The following CNIH3 variants were observed in gnomAD, a reference collection of about 807,000 sequenced individuals.
The protein encoded by CNIH3 is cornichon family AMPA receptor auxiliary protein 3.
Under a neutral mutation model 24.1 loss-of-function variants are expected in CNIH3, and 14 were observed. The ratio of observed to expected loss-of-function variants is 0.58; its 90% confidence interval spans 0.38 to 0.91. The LOEUF (loss-of-function observed/expected upper bound fraction) is 0.91. Among genes scored for constraint, CNIH3 ranks in the 40% least tolerant of loss-of-function variants. CNIH3 has a pLI of 0.00. For synonymous variants in CNIH3, 68 were observed against 73.8 expected, an observed-to-expected ratio of 0.92 and a Z score of 0.40; for missense variants, 178 against 196.8, an observed-to-expected ratio of 0.90 and a Z score of 0.57.
intron 1 of CNIH3, among the ~76,000 whole-genome samples, chr1:224,479,336 T>C (rs1431598849): frequency 6.6e-6 from 1 of 152,042 alleles, no homozygotes; most frequent in Non-Finnish European, 1.5e-5. Context: ...TATTTTTTAG[T>C]AGAGACGGAG....
At chr1:224,633,286 G>A (rs534699068) in intron 1 of CNIH3, among the ~76,000 whole-genome samples, 1 of 152,228 alleles carries the variant, frequency 6.6e-6, no homozygotes, top group South Asian at 2.1e-4. Context: ...AGCCCGCCAA[G>A]TAGCTGGGAC....
chr1:224,563,217 A>G (rs571400499), intron 3 of CNIH3, among the ~76,000 whole-genome samples: 1 of 151,202 alleles, frequency 6.6e-6, no homozygotes, highest in South Asian at 2.1e-4. Context: ...TAAGCCAAAT[A>G]CACCTCTTCT....
chr1:224,639,976 G>A (rs1684278632), intron 1 of CNIH3, among the ~76,000 whole-genome samples: 1 of 152,194 alleles, frequency 6.6e-6, no homozygotes, highest in Admixed American at 6.5e-5. Context: ...TGTAACTTCT[G>A]TTTTCCTGAC....
chr1:224,587,466 CG>C (rs1282151323), intron 5 of CNIH3: 1 of 152,140 alleles, frequency 6.6e-6, no homozygotes, highest in Admixed American at 6.5e-5. Context: ...GGGAAGGAAG[CG>C]GGTGTCTGGC....
At chr1:224,707,855 T>C (rs1340640849) in intron 3 of CNIH3, among the ~76,000 whole-genome samples, 2 of 152,220 alleles carry the variant, frequency 1.3e-5, no homozygotes, top group East Asian at 3.8e-4. Context: ...ATGAACATCC[T>C]GCCCTCATTG....
At chr1:224,575,121 C>A in intron 4 of CNIH3, 2 of 917,376 alleles carry the variant, frequency 2.2e-6, no homozygotes, top group Non-Finnish European at 3.7e-6. Context: ...GGACCCTTCC[C>A]TCCTGGAAGA....
chr1:224,663,053 G>T (rs902211806), intron 1 of CNIH3, among the ~76,000 whole-genome samples: 1 of 152,158 alleles, frequency 6.6e-6, no homozygotes, highest in South Asian at 2.1e-4. Flanking sequence ...GGCAAAAACC[G>T]CAATTACTTT....
At chr1:224,602,736 A>G (rs1572560776) in intron 3 of CNIH3, among the ~76,000 whole-genome samples, 1 of 152,242 alleles carries the variant, frequency 6.6e-6, no homozygotes, top group African/African-American at 2.4e-5. Flanking sequence ...AGAGTCTTCA[A>G]CAAAAACCAG....
intron 5 of CNIH3, among the ~76,000 whole-genome samples, chr1:224,736,607 A>G (rs918498568): frequency 6.6e-6 from 1 of 152,102 alleles, no homozygotes; most frequent in Non-Finnish European, 1.5e-5. Flanking sequence ...CTTGGTGCAC[A>G]CCTTGGTGGC....
chr1:224,443,033 A>T (rs1674987891), intron 1 of CNIH3, among the ~76,000 whole-genome samples: 1 of 152,210 alleles, frequency 6.6e-6, no homozygotes, highest in Non-Finnish European at 1.5e-5. Flanking sequence ...TCCAGAAGCT[A>T]TCACAGGGGG....
intron 3 of CNIH3, among the ~76,000 whole-genome samples, chr1:224,594,193 C>T (rs1681880381): frequency 6.6e-6 from 1 of 152,178 alleles, no homozygotes; most frequent in African/African-American, 2.4e-5. Flanking sequence ...AAGTGCTCCA[C>T]AGCCTGAGGA....
Position 224,684,038 on chromosome 1 carries a change from C to G in CNIH3, c.151-758C>G, listed in dbSNP as rs141058881. ...ATGAGGAATCTCATTACCATTCCAT[C>G]TACAGCAACCAAATTGCCTCAGTAA... On this transcript the variant is annotated intron_variant, in intron 2 of 5. Transcript: ENST00000272133. This position sits in a 1 kb window ranked among gnomAD's most constrained non-coding sequence, Gnocchi z 4.2. Among the ~76,000 whole-genome samples the G allele has an allele frequency of 6.6e-6, 1 of 152,246 alleles. No individual in the cohort carries two copies. The highest frequency in any genetic ancestry group is 1.5e-5 in the Non-Finnish European group (1 of 68,038).
chr1:224,575,002 AC>A, intron 4 of CNIH3: 1 of 875,630 alleles, frequency 1.1e-6, no homozygotes, highest in East Asian at 2.4e-5. Context: ...ATTGAGTGCC[AC>A]CCGTACCTCA....
chr1:224,658,029 A>G (rs1685179640), intron 1 of CNIH3, among the ~76,000 whole-genome samples: 2 of 152,230 alleles, frequency 1.3e-5, no homozygotes. Flanking sequence ...AACCCAAAGA[A>G]AGTTAAACAT....
chr1:224,691,669 A>C (rs1311042991), intron 3 of CNIH3, among the ~76,000 whole-genome samples: 1 of 152,248 alleles, frequency 6.6e-6, no homozygotes, highest in Non-Finnish European at 1.5e-5. Context: ...GGTTTGTTAC[A>C]TAACATTCTC....
In CNIH3 at chr1:224,684,170, A is replaced by G. The variant is rs1214671884; in HGVS notation, c.151-626A>G. On this transcript the variant is annotated intron_variant, in intron 2 of 5. Transcript: ENST00000272133. This position sits in a 1 kb window ranked among gnomAD's most constrained non-coding sequence, Gnocchi z 4.2. ...GCATTTAGTGCACGATGCGGGCATC[A>G]TCACCTGCCCAGCCACGGGCCATCA... Among the ~76,000 whole-genome samples the G allele has an allele frequency of 4.6e-5, 7 of 152,228 alleles. No homozygotes were observed. Among genetic ancestry groups the G allele is most frequent in the African/African-American group, 1.7e-4 (7 of 41,466 alleles).
chr1:224,501,728 G>A (rs2124872232), intron 1 of CNIH3, among the ~76,000 whole-genome samples: 2 of 151,898 alleles, frequency 1.3e-5, no homozygotes, highest in East Asian at 3.9e-4. Flanking sequence ...TTACAGGTGC[G>A]TGCCACCACG....
chr1:224,481,841 G>A (rs1039467324), intron 1 of CNIH3, among the ~76,000 whole-genome samples: 16 of 152,312 alleles, frequency 1.1e-4, no homozygotes, highest in African/African-American at 2.2e-4. Flanking sequence ...CCTTAAGAGC[G>A]GTGAGTTCCC....
intron 3 of CNIH3, among the ~76,000 whole-genome samples, chr1:224,697,234 G>A (rs1354532529): frequency 6.6e-6 from 1 of 152,256 alleles, no homozygotes; most frequent in Non-Finnish European, 1.5e-5. Context: ...CCTAGTTAGA[G>A]CGCTAGTTTG....
Sources: gnomAD v4.1 joint callset for allele counts (sites outside exome capture counted in the v4.1 genomes callset) on GRCh38, gnomAD v4.1.1 for gene constraint, Gnocchi (gnomAD v3.1) non-coding constraint, MANE v1.5 for transcripts, NCBI Gene and HGNC (gene_info 2026-07-23, HGNC 2026-07-21) for gene names.